Variants in ATIC observed in about 807,000 individuals in gnomAD.
ATIC encodes the protein 5-aminoimidazole-4-carboxamide ribonucleotide formyltransferase/IMP cyclohydrolase, also known as bifunctional purine biosynthesis protein ATIC.
In ATIC, 64 loss-of-function variants were observed where a neutral mutation model predicts 72.5. The ratio of observed to expected loss-of-function variants is 0.88; its 90% CI spans 0.72 to 1.09. The LOEUF is 1.09. ATIC is among the 50% of genes least tolerant of loss of function. The pLI, the probability that ATIC is intolerant of heterozygous loss-of-function variation, is 0.00. For missense variants in ATIC, 787 were observed against 732.4 expected (o/e 1.07, Z -0.86); for synonymous variants, 281 against 267.1 (o/e 1.05, Z -0.51).
chr2:215,331,458 C>T (rs1327946985), intron 7 of ATIC, among the ~76,000 whole-genome samples: 1 of 149,110 alleles, frequency 6.7e-6, no homozygotes, highest in African/African-American at 2.5e-5. Flanking sequence ...TTTCGGCTCA[C>T]TACAACCTCC....
Position 215,346,829 on chromosome 2 carries a change from AT to A in ATIC, c.1393del (p.Trp465GlyfsTer12). The A allele has an allele frequency of 1.2e-6, 2 of 1,614,198 alleles. No homozygotes were observed. Among genetic ancestry groups the A allele is most frequent in the Non-Finnish European group, 1.7e-6 (2 of 1,180,032 alleles). ...CGCCTTGCAGGAGATAAGGCAAACT[AT>A]TGGTGGCTTAGACACCATCCACAAG... ...CTRLAGDKAN[Y>X]WWLRHHPQVL... On this transcript the variant is annotated frameshift_variant, in exon 14 of 16. Coordinates refer to ENST00000236959, the MANE Select transcript of ATIC (RefSeq NM_004044.7). LOFTEE classifies it high-confidence loss of function.
chr2:215,316,676 T>A (rs2052713176), intron 2 of ATIC, among the ~76,000 whole-genome samples: 1 of 152,246 alleles, frequency 6.6e-6, no homozygotes, highest in African/African-American at 2.4e-5. Flanking sequence ...TATATTTTTC[T>A]TCAAGCATTT....
chr2:215,319,262 TGGGCATG>T, intron 3 of ATIC, among the ~76,000 whole-genome samples: 1 of 152,334 alleles, frequency 6.6e-6, no homozygotes, highest in Non-Finnish European at 1.5e-5. Flanking sequence ...AATATTATGC[TGGGCATG>T]GTGGCTCTTG....
At chr2:215,361,569 C>T in the ATIC span, 1 of 1,608,666 alleles carries the variant, frequency 6.2e-7, no homozygotes, top group Non-Finnish European at 8.5e-7. Context: ...TCTCGGGAAT[C>T]TTCTCTGTCA....
intron 2 of ATIC, among the ~76,000 whole-genome samples, chr2:215,316,748 T>G (rs530043059): frequency 6.6e-6 from 1 of 152,182 alleles, no homozygotes; most frequent in Non-Finnish European, 1.5e-5. Context: ...TGCTTCCTGC[T>G]TTATTTATTT....
In ATIC at chr2:215,338,734, G is replaced by A. The variant is rs200721799; in HGVS notation, c.1099-45G>A. ...TATATAAATTAAATGAAAAATTTGA[G>A]GGAAGTGGAGAGATTAACTTTAACT... On this transcript the variant is annotated intron_variant, in intron 11 of 15. Coordinates refer to ENST00000236959, the MANE Select transcript of ATIC (RefSeq NM_004044.7). The A allele has an allele frequency of 3.7e-4, 583 of 1,587,854 alleles. 2 individuals carry two copies. The highest frequency in any genetic ancestry group is 2.0e-3 in the South Asian group (172 of 87,786).
intron 6 of ATIC, among the ~76,000 whole-genome samples, chr2:215,326,465 T>C (rs1575117111): frequency 6.6e-6 from 1 of 151,392 alleles, no homozygotes; most frequent in Non-Finnish European, 1.5e-5. Context: ...ATTAGCCGAG[T>C]GTGGTGTGGT....
chr2:215,313,903 T>C (rs2052681976), intron 2 of ATIC, among the ~76,000 whole-genome samples: 1 of 152,164 alleles, frequency 6.6e-6, no homozygotes, highest in East Asian at 1.9e-4. Flanking sequence ...GAATTCAAAG[T>C]CCAGACCTGC....
intron 11 of ATIC, among the ~76,000 whole-genome samples, chr2:215,336,360 G>A (rs1356046672): frequency 6.6e-6 from 1 of 152,148 alleles, no homozygotes; most frequent in Non-Finnish European, 1.5e-5. Context: ...TATAATTTCA[G>A]CCACTTGAGA....
chr2:215,336,207 T>C (rs780108893), intron 11 of ATIC, 83 bp downstream of exon 11: 10 of 1,031,612 alleles, frequency 9.7e-6, no homozygotes, highest in Non-Finnish European at 1.5e-5. Context: ...TCCTTTATAC[T>C]CATACCCTTC....
intron 4 of ATIC, among the ~76,000 whole-genome samples, chr2:215,323,141 T>G (rs1388387589): frequency 6.6e-6 from 1 of 152,120 alleles, no homozygotes; most frequent in Non-Finnish European, 1.5e-5. Flanking sequence ...GAGACAGGGT[T>G]TCACCGTGTT....
chr2:215,319,242 TTTAA>T (rs1350399571), intron 3 of ATIC, among the ~76,000 whole-genome samples: 1 of 152,176 alleles, frequency 6.6e-6, no homozygotes, highest in Non-Finnish European at 1.5e-5. Context: ...TTTGATATTC[TTTAA>T]TTAAGAATAT....
chr2:215,361,962 C>G, the ATIC span: 27 of 1,612,410 alleles, frequency 1.7e-5, no homozygotes, highest in East Asian at 5.8e-4. Context: ...GCTGCTAATG[C>G]ACTTACAGTG....
At chr2:215,347,282 A>G (rs762019603) in intron 14 of ATIC, 68 of 389,900 alleles carry the variant, frequency 1.7e-4, no homozygotes, top group Non-Finnish European at 2.8e-4. Flanking sequence ...CCACCACGTC[A>G]TGCATGGTGC....
chr2:215,351,824 G>A (rs1429344501), downstream of ATIC, among the ~76,000 whole-genome samples: 1 of 152,190 alleles, frequency 6.6e-6, no homozygotes, highest in East Asian at 1.9e-4. Context: ...CTACAGTGGA[G>A]AAAACTGACA....
the ATIC span, chr2:215,365,546 G>A: frequency 6.2e-7 from 1 of 1,614,060 alleles, no homozygotes; most frequent in Non-Finnish European, 8.5e-7. Context: ...CCCAAGACAT[G>A]TGCAGCTCAT....
chr2:215,328,707 A>T (rs972454550), intron 7 of ATIC, among the ~76,000 whole-genome samples: 75 of 146,744 alleles, frequency 5.1e-4, no homozygotes, highest in African/African-American at 1.8e-3. Context: ...CCCCATTAGG[A>T]TGGCAGCTTC....
At position 215,318,163 on chromosome 2, in the gene ATIC, C is replaced by G; in HGVS notation, c.153C>G (p.Val51=). Residue 51 remains valine (V), a synonymous_variant, in exon 3 of 16, where the codon GTC becomes GTG. Coordinates refer to ENST00000236959, the MANE Select transcript of ATIC (RefSeq NM_004044.7). The part of the protein sequence containing the change: ...LRDAGLAVRD[V]SELTGFPEML... ...CTGTTTATCTGTTTTTCAGAGATGT[C>G]TCTGAGTTGACGGGATTTCCTGAAA... 2 of 1,613,950 alleles carry G rather than the reference C, an allele frequency of 1.2e-6. No homozygotes were observed. The highest frequency in any genetic ancestry group is 1.1e-5 in the South Asian group (1 of 91,072).
the ATIC span, chr2:215,361,970 G>A: frequency 6.2e-7 from 1 of 1,612,894 alleles, no homozygotes; most frequent in Non-Finnish European, 8.5e-7. Context: ...TGCACTTACA[G>A]TGTTTGTTCT....
Sources: gnomAD v4.1 joint callset for allele counts (sites outside exome capture counted in the v4.1 genomes callset) on GRCh38, gnomAD v4.1.1 for gene constraint, MANE v1.5 for transcripts, NCBI Gene and HGNC (gene_info 2026-07-23, HGNC 2026-07-21) for gene names.